The following CBLB variants were observed in gnomAD, a reference collection of about 807,000 sequenced individuals.
The protein encoded by CBLB is Cbl proto-oncogene B, also known as E3 ubiquitin-protein ligase CBL-B.
In CBLB, 31 loss-of-function variants were observed where a neutral mutation model predicts 104.9. That is an observed-to-expected ratio of 0.30 (90% CI 0.22 to 0.40). The LOEUF (loss-of-function observed/expected upper bound fraction) is 0.40. Among genes scored for constraint, CBLB ranks in the 10% least tolerant of loss-of-function variants. The pLI, the probability that CBLB is intolerant of heterozygous loss-of-function variation, is 1.00. For missense variants in CBLB, 1,062 were observed against 1,214.6 expected (o/e 0.87, Z 1.87); for synonymous variants, 440 against 422.6 (o/e 1.04, Z -0.51).
intron 9 of CBLB, among the ~76,000 whole-genome samples, chr3:105,731,646 T>C (rs1269221827): frequency 6.6e-6 from 1 of 152,024 alleles, no homozygotes. Flanking sequence ...AGAGACGGGG[T>C]CTCCTTATGT....
intron 2 of CBLB, among the ~76,000 whole-genome samples, chr3:105,862,892 T>C (rs576806750): frequency 3.2e-4 from 49 of 152,192 alleles, no homozygotes; most frequent in African/African-American, 1.2e-3. Context: ...TTTTCACCCT[T>C]AGCAAGCAAC....
chr3:105,799,199 T>A (rs1286306779), intron 3 of CBLB, among the ~76,000 whole-genome samples: 125 of 119,794 alleles, frequency 1.0e-3, no homozygotes, highest in Middle Eastern at 4.9e-3. Flanking sequence ...AAAAAAGAAA[T>A]CCCTGCAGTT....
Position 105,807,064 on chromosome 3 carries a change from T to A in CBLB, c.420-30522A>T, listed in dbSNP as rs73194383. Among the ~76,000 whole-genome samples, 618 of 152,326 alleles carry A rather than the reference T, an allele frequency of 4.1e-3. 2 individuals are homozygous for A. Among genetic ancestry groups the A allele is most frequent in the Non-Finnish European group, 6.6e-3 (448 of 68,032 alleles). On this transcript the variant is annotated intron_variant, in intron 3 of 18. Transcript: ENST00000394030. ...AAGTTAATTTTGAGTAACACCAAACTAAACATTTAAGTCAATTAGTACGTT... is the reference window on the plus strand; with the variant it reads ...AAGTTAATTTTGAGTAACACCAAACAAAACATTTAAGTCAATTAGTACGTT...
chr3:105,831,622 G>T (rs1698086576), intron 3 of CBLB, among the ~76,000 whole-genome samples: 1 of 152,212 alleles, frequency 6.6e-6, no homozygotes. Context: ...GTTAAAATTT[G>T]TTGGGGGAGA....
In CBLB at chr3:105,867,531, T is replaced by C; in HGVS notation, c.47A>G (p.Asn16Ser). The C allele has an allele frequency of 6.2e-7, 1 of 1,614,130 alleles. No homozygotes were observed. The highest frequency in any genetic ancestry group is 8.5e-7 in the Non-Finnish European group (1 of 1,180,020). The change falls in exon 2 of 19, where the codon AAT becomes AGT. Residue 16 changes from asparagine to serine, a missense_variant. Physicochemically the swap from Asn to Ser is conservative, Grantham distance 46. This residue lies in a region of CBLB where 457 missense variants were observed against 632.0 expected (regional missense o/e 0.72). Transcript: ENST00000394030. ...ACCCAAAATTCGACCTTTTCGGGGA[T>C]TTCCTCCTCGACCACCAGGGTTTCT... is the stretch of plus-strand genomic sequence containing the variant. ...NGRNPGGRGG[N>S]PRKGRILGII...
chr3:105,741,681 C>T (rs925797263), intron 6 of CBLB, among the ~76,000 whole-genome samples: 1 of 152,080 alleles, frequency 6.6e-6, no homozygotes, highest in East Asian at 1.9e-4. Flanking sequence ...AGGCATGAGC[C>T]ACCGCGCCTG....
intron 2 of CBLB, among the ~76,000 whole-genome samples, chr3:105,866,612 ATACT>A (rs1264200983): frequency 1.3e-5 from 2 of 152,232 alleles, no homozygotes; most frequent in Non-Finnish European, 1.5e-5. Context: ...TTTTATAATC[ATACT>A]TAGTAAGGTA....
chr3:105,797,891 A>G (rs956351444), intron 3 of CBLB, among the ~76,000 whole-genome samples: 1 of 152,202 alleles, frequency 6.6e-6, no homozygotes, highest in African/African-American at 2.4e-5. Context: ...TGGAAGCTCT[A>G]TCCTTTTGAT....
Position 105,849,370 on chromosome 3 carries a change from T to C in CBLB, c.419+4044A>G, listed in dbSNP as rs114897099. On this transcript the variant is annotated intron_variant, in intron 3 of 18. Transcript: ENST00000394030. ...CAATTAAGGATATGCTATATCAGCA[T>C]AGAAACCAATAAATTTTGTCTTAGG... Among the ~76,000 whole-genome samples the C allele has an allele frequency of 8.5e-3, 1,291 of 152,160 alleles. 20 individuals are homozygous for C. The highest frequency in any genetic ancestry group is 0.029 in the African/African-American group (1,190 of 41,526).
At chr3:105,666,443 T>C (rs1281655713) in intron 18 of CBLB, among the ~76,000 whole-genome samples, 2 of 152,088 alleles carry the variant, frequency 1.3e-5, no homozygotes, top group Non-Finnish European at 2.9e-5. Context: ...ATCCCAGCAC[T>C]TTAGGAGGCT....
At chr3:105,822,481 G>T (rs2086012357) in intron 3 of CBLB, among the ~76,000 whole-genome samples, 1 of 152,156 alleles carries the variant, frequency 6.6e-6, no homozygotes, top group Non-Finnish European at 1.5e-5. Flanking sequence ...TCTTTTGAAA[G>T]TGAACTAAAA....
intron 13 of CBLB, among the ~76,000 whole-genome samples, chr3:105,690,736 C>T (rs1242494143): frequency 1.3e-5 from 2 of 151,386 alleles, no homozygotes; most frequent in Admixed American, 6.6e-5. Flanking sequence ...GCAGGAGAAC[C>T]GCTTGAACCC....
intron 9 of CBLB, among the ~76,000 whole-genome samples, chr3:105,733,633 A>G (rs1487983224): frequency 6.6e-6 from 1 of 152,184 alleles, no homozygotes; most frequent in Non-Finnish European, 1.5e-5. Flanking sequence ...AGTTTGCTTG[A>G]AAATATCAAA....
intron 3 of CBLB, among the ~76,000 whole-genome samples, chr3:105,796,159 A>G (rs368338414): frequency 6.6e-6 from 1 of 152,240 alleles, no homozygotes; most frequent in Non-Finnish European, 1.5e-5. Context: ...AAAAACAACA[A>G]AGCTAGAGAC....
At chr3:105,734,212 C>G in intron 8 of CBLB, 72 bp from the exon 9 acceptor site, 1 of 1,507,540 alleles carries the variant, frequency 6.6e-7, no homozygotes, top group South Asian at 1.1e-5. Context: ...TCAAATTTTC[C>G]CAAATAAAAT....
intron 18 of CBLB, among the ~76,000 whole-genome samples, chr3:105,663,201 A>ACTTGAGACCTTCACTATC (rs2063997555): frequency 1.7e-5 from 2 of 120,164 alleles, no homozygotes; most frequent in African/African-American, 6.1e-5. Context: ...CAGTCATTAC[A>ACTTGAGACCTTCACTATC]ACAGTTACTT....
intron 3 of CBLB, among the ~76,000 whole-genome samples, chr3:105,784,671 AATTG>A (rs530749435): frequency 9.3e-4 from 141 of 152,322 alleles, no homozygotes; most frequent in Admixed American, 2.2e-3. Context: ...AAAAAGACAT[AATTG>A]ATCAGTTTTT....
At chr3:105,696,771 T>C (rs947775447) in intron 12 of CBLB, among the ~76,000 whole-genome samples, 1 of 151,924 alleles carries the variant, frequency 6.6e-6, no homozygotes, top group Non-Finnish European at 1.5e-5. Flanking sequence ...TTACTTAATG[T>C]AGAATTCAAG....
chr3:105,759,547 T>G (rs979328661), intron 4 of CBLB, among the ~76,000 whole-genome samples: 1 of 152,120 alleles, frequency 6.6e-6, no homozygotes, highest in Non-Finnish European at 1.5e-5. Context: ...TCGGCCTCCC[T>G]CCAGTGCTCC....
Sources: allele counts gnomAD v4.1 joint callset (sites outside exome capture counted in the v4.1 genomes callset), GRCh38; gene constraint gnomAD v4.1.1; regional missense constraint gnomAD v4.1.1; transcripts MANE v1.5; gene names NCBI Gene and HGNC (gene_info 2026-07-23, HGNC 2026-07-21).